ARMC8: variants seen among roughly 807,000 people sequenced by gnomAD.
ARMC8 encodes the protein armadillo repeat-containing protein 8.
ARMC8 carries 20 observed loss-of-function variants against 99.3 expected under a neutral mutation model. The observed-to-expected ratio is 0.20, with a 90% CI of 0.14 to 0.29. The LOEUF is 0.29. Among genes scored for constraint, ARMC8 ranks in the 10% least tolerant of loss-of-function variants. The probability of loss-of-function intolerance (pLI) is 1.00; values close to 1 mark genes in which losing one functional copy is unlikely to be tolerated. For missense variants in ARMC8, 569 were observed against 809.5 expected (o/e 0.70, Z 3.60); for synonymous variants, 263 against 278.3 (o/e 0.95, Z 0.55).
intron 21 of ARMC8, among the ~76,000 whole-genome samples, chr3:138,292,679 G>T (rs1007905668): frequency 3.9e-5 from 6 of 152,192 alleles, no homozygotes; most frequent in Admixed American, 3.9e-4. Flanking sequence ...AAGAGTTCTT[G>T]TTTGGGTATG....
chr3:138,242,940 T>C (rs891390967), intron 11 of ARMC8, among the ~76,000 whole-genome samples: 5 of 152,246 alleles, frequency 3.3e-5, no homozygotes, highest in African/African-American at 1.2e-4. Flanking sequence ...ATTAAACTTA[T>C]GTGTCTGCTC....
At chr3:138,189,509 C>A (rs760363568) in intron 1 of ARMC8, among the ~76,000 whole-genome samples, 4 of 152,290 alleles carry the variant, frequency 2.6e-5, no homozygotes, top group Admixed American at 1.3e-4. Context: ...CAGAAATTAT[C>A]TTGAATGGTT....
intron 6 of ARMC8, 135 bp downstream of exon 6, chr3:138,229,145 T>TAC (rs1297636938): frequency 2.3e-5 from 1 of 43,834 alleles, no homozygotes; most frequent in African/African-American, 1.2e-4. Context: ...TATATATATA[T>TAC]ATATATATAT....
chr3:138,188,944 TACTCC>T (rs2043226232), intron 1 of ARMC8, among the ~76,000 whole-genome samples: 1 of 152,260 alleles, frequency 6.6e-6, no homozygotes, highest in East Asian at 1.9e-4. Flanking sequence ...ATTAGCCTGT[TACTCC>T]ATCACTGACT....
chr3:138,297,174 A>G lies in ARMC8; in HGVS notation c.*1282A>G, dbSNP rs1315898284. 2 of 152,234 alleles carry G rather than the reference A, an allele frequency of 1.3e-5. No homozygotes were observed. The highest frequency in any genetic ancestry group is 4.8e-5 in the African/African-American group (2 of 41,456). The allele number at this position is 152,234 out of a possible 1,614,324, so 9.4% of individuals were successfully genotyped here. On this transcript the variant is annotated 3_prime_UTR_variant, in exon 22 of 22. Coordinates refer to ENST00000469044, the MANE Select transcript of ARMC8 (RefSeq NM_001363941.2). ...AAGATGCAACTAAAATCTTTCCTGC[A>G]TGAAGCTAAAAGCACTCAAGTTGAG... is the stretch of plus-strand genomic sequence containing the variant.
intron 6 of ARMC8, among the ~76,000 whole-genome samples, chr3:138,233,849 G>A (rs1292752003): frequency 6.6e-6 from 1 of 152,184 alleles, no homozygotes; most frequent in Non-Finnish European, 1.5e-5. Context: ...TTTCTCTTCT[G>A]AGTGATGATA....
Position 138,221,972 on chromosome 3 carries a change from C to T in ARMC8, c.169C>T (p.Leu57Phe), listed in dbSNP as rs751848770. ...TGGAAACAACAAGCAGAAAGCCAAT[C>T]TCATTGTTTTAGGAGCTGTTCCAAG... Reference protein sequence around the residue: ...VIGNNKQKANLIVLGAVPRLL... With the variant: ...VIGNNKQKANFIVLGAVPRLL... Residue 57 changes from leucine (L) to phenylalanine (F), a missense_variant, in exon 3 of 22, where the codon CTC becomes TTC. Physicochemically the swap from Leu to Phe is conservative, Grantham distance 22. This residue lies in a region of ARMC8 where 342 missense variants were observed against 391.6 expected (regional missense o/e 0.87). Transcript: ENST00000469044. 1 of 1,613,598 alleles carries T rather than the reference C, an allele frequency of 6.2e-7. No homozygotes were observed. The highest frequency in any genetic ancestry group is 8.5e-7 in the Non-Finnish European group (1 of 1,179,684).
At chr3:138,203,694 G>A (rs923234858) in intron 1 of ARMC8, among the ~76,000 whole-genome samples, 5 of 152,202 alleles carry the variant, frequency 3.3e-5, no homozygotes, top group Admixed American at 6.5e-5. Flanking sequence ...GCACGAGGGC[G>A]TGAATATCAG....
At chr3:138,242,780 A>G (rs1276182392) in intron 11 of ARMC8, among the ~76,000 whole-genome samples, 1 of 152,180 alleles carries the variant, frequency 6.6e-6, no homozygotes, top group Non-Finnish European at 1.5e-5. Flanking sequence ...TTGAGTTTCA[A>G]AAAACCTCAT....
intron 12 of ARMC8, among the ~76,000 whole-genome samples, chr3:138,255,029 A>G (rs949374658): frequency 2.0e-5 from 3 of 152,010 alleles, no homozygotes; most frequent in Non-Finnish European, 4.4e-5. Flanking sequence ...AGGCAGACCT[A>G]CAGGAGAGGC....
intron 18 of ARMC8, among the ~76,000 whole-genome samples, chr3:138,276,551 A>G (rs559179659): frequency 6.6e-6 from 1 of 152,318 alleles, no homozygotes; most frequent in Non-Finnish European, 1.5e-5. Context: ...CCATGGACTC[A>G]CCAAAAATTC....
chr3:138,269,810 T>G (rs920428739), intron 15 of ARMC8, among the ~76,000 whole-genome samples: 4 of 143,640 alleles, frequency 2.8e-5, no homozygotes, highest in African/African-American at 1.0e-4. Flanking sequence ...GGTTTGGTTT[T>G]GTTTTCTTTC....
intron 10 of ARMC8, among the ~76,000 whole-genome samples, chr3:138,240,879 C>G (rs375120127): frequency 6.6e-6 from 1 of 152,178 alleles, no homozygotes; most frequent in African/African-American, 2.4e-5. Flanking sequence ...GGTGAATCCC[C>G]ATCTCTACTA....
intron 5 of ARMC8, among the ~76,000 whole-genome samples, chr3:138,228,066 G>A (rs1052581078): frequency 2.6e-5 from 4 of 152,074 alleles, no homozygotes; most frequent in Admixed American, 6.6e-5. Context: ...TGCAACCTCC[G>A]CCTCTCCGAT....
intron 12 of ARMC8, chr3:138,246,546 T>G: frequency 7.1e-6 from 7 of 985,726 alleles, no homozygotes; most frequent in Non-Finnish European, 8.4e-6. Context: ...ATTATTTGGT[T>G]TAGGATGGTT....
chr3:138,229,409 A>G (rs1485114326), intron 6 of ARMC8, among the ~76,000 whole-genome samples: 2 of 145,726 alleles, frequency 1.4e-5, no homozygotes, highest in Non-Finnish European at 3.0e-5. Flanking sequence ...ATTGTGGAGC[A>G]TTTAGTTTGT....
Position 138,273,060 on chromosome 3 carries a change from T to G in ARMC8, c.1573T>G (p.Leu525Val), listed in dbSNP as rs748097277. Reference sequence around the variant, plus strand: ...ATTCCGGTTATTATCAGATTCAGATTTGAATGTGCTGATGAAGACATTGGG... The same window carrying G: ...ATTCCGGTTATTATCAGATTCAGATGTGAATGTGCTGATGAAGACATTGGG... ...QLFRLLSDSD[L>V]NVLMKTLGLL... Residue 525 changes from leucine (L) to valine (V), a missense_variant, in exon 17 of 22, where the codon TTG (leucine) becomes GTG (valine). Around this residue, in one of 2 missense-constraint regions of ARMC8, gnomAD observed 227 missense variants for 417.9 expected, o/e 0.54. Transcript: ENST00000469044. The G allele has an allele frequency of 1.7e-5, 27 of 1,613,418 alleles. No individual in the cohort carries two copies. The African/African-American group carries it at 2.8e-4, about 17-fold the overall frequency.
intron 6 of ARMC8, among the ~76,000 whole-genome samples, chr3:138,230,695 A>G (rs1005028966): frequency 1.3e-5 from 2 of 152,218 alleles, no homozygotes; most frequent in Admixed American, 1.3e-4. Flanking sequence ...AGTGTTGAAC[A>G]GAGCACAGCA....
At chr3:138,273,201 C>T in intron 17 of ARMC8, 85 bp downstream of exon 17, 1 of 1,350,986 alleles carries the variant, frequency 7.4e-7, no homozygotes, top group Non-Finnish European at 1.0e-6. Context: ...CTCTCATTAA[C>T]ATCTGCCCAT....
Sources: gnomAD v4.1 joint callset for allele counts (sites outside exome capture counted in the v4.1 genomes callset) on GRCh38, gnomAD v4.1.1 for gene constraint, gnomAD v4.1.1 regional missense constraint, MANE v1.5 for transcripts, NCBI Gene and HGNC (gene_info 2026-07-23, HGNC 2026-07-21) for gene names.